Variants in ACIN1 observed in about 807,000 individuals in gnomAD.
The protein encoded by ACIN1 is apoptotic chromatin condensation inducer in the nucleus.
Under a neutral mutation model 146.6 loss-of-function variants are expected in ACIN1, and 16 were observed. That is an observed-to-expected ratio of 0.11 (90% CI 0.07 to 0.17). The LOEUF is 0.17. Ranked by LOEUF, ACIN1 falls within the 10% of genes least tolerant of loss-of-function variation. The probability of loss-of-function intolerance (pLI) is 1.00; values close to 1 mark genes in which losing one functional copy is unlikely to be tolerated. For synonymous variants in ACIN1, 569 were observed against 582.7 expected, an observed-to-expected ratio of 0.98 and a Z score of 0.34; for missense variants, 1,357 against 1,609.3, an observed-to-expected ratio of 0.84 and a Z score of 2.68.
intron 10 of ACIN1, 41 bp from the exon 11 acceptor site, chr14:23,064,529 G>T (rs369978198): frequency 1.2e-6 from 2 of 1,608,644 alleles, no homozygotes; most frequent in Non-Finnish European, 1.7e-6. Flanking sequence ...ATGGTCTCAG[G>T]ACCTCTGCTA....
At chr14:23,087,983 G>A (rs902604821) in intron 4 of ACIN1, among the ~76,000 whole-genome samples, 3 of 152,100 alleles carry the variant, frequency 2.0e-5, no homozygotes, top group African/African-American at 7.2e-5. Context: ...TCTAATCACT[G>A]TAGTCCTCAG....
rs2047180696 is a variant in ACIN1, at chr14:23,058,997, A to C, written c.*151T>G. The C allele has an allele frequency of 4.3e-6, 3 of 703,088 alleles. No individual in the cohort carries two copies. The highest frequency in any genetic ancestry group is 3.7e-5 in the South Asian group (2 of 54,298). 43.6% of individuals were successfully genotyped at this position (703,088 alleles called of 1,614,324 possible). A position where few individuals can be genotyped will look rare whatever the true frequency, so the allele number is the denominator to read the frequency against. On this transcript the variant is annotated 3_prime_UTR_variant, in exon 19 of 19. Transcript: ENST00000605057. ...TTAAGGGGGTGTGTTTGGGGGGAAA[A>C]GGATGGCCACTTTTCCATTTGGTAT...
intron 4 of ACIN1, among the ~76,000 whole-genome samples, chr14:23,088,896 A>G (rs567981342): frequency 6.6e-6 from 1 of 152,312 alleles, no homozygotes; most frequent in African/African-American, 2.4e-5. Flanking sequence ...GAATACTCAA[A>G]AAGTTTTGGG....
chr14:23,071,786 G>A (rs2047663680), intron 8 of ACIN1, among the ~76,000 whole-genome samples: 1 of 152,178 alleles, frequency 6.6e-6, no homozygotes, highest in South Asian at 2.1e-4. Context: ...TTCCCAGGGG[G>A]CAGGGGAGGG....
chr14:23,085,455 A>G (rs1238948692), intron 4 of ACIN1, among the ~76,000 whole-genome samples: 1 of 152,214 alleles, frequency 6.6e-6, no homozygotes, highest in Non-Finnish European at 1.5e-5. Flanking sequence ...TATGCTATTT[A>G]TTGAATTATA....
chr14:23,067,496 AGG>A lies in ACIN1; in HGVS notation c.2266-1490_2266-1489del. 1 of 255,932 alleles carries A rather than the reference AGG, an allele frequency of 3.9e-6. No individual in the cohort carries two copies. The highest frequency in any genetic ancestry group is 4.9e-6 in the Non-Finnish European group (1 of 206,128). 15.9% of individuals were successfully genotyped at this position (255,932 alleles called of 1,614,324 possible). On this transcript the variant is annotated intron_variant, in intron 9 of 18. Transcript: ENST00000605057. This position sits in a 1 kb window ranked among gnomAD's most constrained non-coding sequence, Gnocchi z 4.6. ...ACTGCCAGAGTCCTCCCAGGGGCGC[AGG>A]GGGGGCGGGAGGGAAACGTGTGGGG...
chr14:23,072,721 C>T (rs998144848), intron 8 of ACIN1, among the ~76,000 whole-genome samples: 3 of 152,164 alleles, frequency 2.0e-5, no homozygotes, highest in Admixed American at 2.0e-4. Context: ...ATTTTCTCCC[C>T]GCTGCTTAAA....
chr14:23,067,858 G>A lies in ACIN1; in HGVS notation c.2265+1618C>T, dbSNP rs2047508367. On this transcript the variant is annotated intron_variant, in intron 9 of 18. Transcript: ENST00000605057. The surrounding 1 kb of genome is among the most constrained non-coding windows in gnomAD (Gnocchi z 4.6). ...GTGGGATCATGGAGCCTCTGATGAAGGTAGCCTGGGGGTAGGTGAATACCC... is the reference window on the plus strand; with the variant it reads ...GTGGGATCATGGAGCCTCTGATGAAAGTAGCCTGGGGGTAGGTGAATACCC... The A allele has an allele frequency of 1.0e-6, 1 of 985,728 alleles. No individual in the cohort carries two copies. 61.1% of individuals were successfully genotyped at this position (985,728 alleles called of 1,614,324 possible).
rs938325437 is a variant in ACIN1, at chr14:23,090,014, C to G, written c.404G>C (p.Arg135Thr). 7 of 1,613,232 alleles carry G rather than the reference C, an allele frequency of 4.3e-6. No individual in the cohort carries two copies. The highest frequency in any genetic ancestry group is 5.1e-6 in the Non-Finnish European group (6 of 1,179,678). Residue 135 changes from arginine (R) to threonine (T), a missense_variant, in exon 4 of 19, where the codon AGA (arginine) becomes ACA (threonine). Transcript: ENST00000605057. ...ATGTCTGCTGAGCTCCAGCTCTGGT[C>G]TCTCCAGGCTGCTCTGAAAGTCAGG... is the stretch of plus-strand genomic sequence containing the variant. ...LPPDFQSSLE[R>T]PELELSRHSP...
Position 23,061,468 on chromosome 14 carries a change from CGCACTGCCCGTTCCT to C in ACIN1, c.3239_3253del (p.Gln1080_Val1084del). 6.2e-7 allele frequency: 1 copy of C among 1,613,042 alleles called. No homozygotes were observed. The highest frequency in any genetic ancestry group is 2.2e-5 in the East Asian group (1 of 44,824). Reference sequence around the variant, plus strand: ...CCGTTCCCGTTCTGCCCACTGTTCCCGCACTGCCCGTTCCTGCTCCCGCTGCTCTGCCCGGGGGTG... The same window carrying C: ...CCGTTCCCGTTCTGCCCACTGTTCCCGCTCCCGCTGCTCTGCCCGGGGGTG... On this transcript the variant is annotated inframe_deletion, in exon 17 of 19. Coordinates refer to ENST00000605057, the MANE Select transcript of ACIN1 (RefSeq NM_001386863.1).
At chr14:23,094,568 C>T (rs1199579230) in intron 1 of ACIN1, 1 of 983,290 alleles carries the variant, frequency 1.0e-6, no homozygotes, top group Non-Finnish European at 1.2e-6. Context: ...ACCCCATCCA[C>T]CCCTTCGCGC....
Position 23,068,972 on chromosome 14 carries a change from G to T in ACIN1, c.2265+504C>A. The stretch of plus-strand genomic sequence containing the variant: ...ACAGGTAACTGAGAATGGGCCTTCC[G>T]GATCACAAGTGCTGGCTTCTAAGTA... On this transcript the variant is annotated intron_variant, in intron 9 of 18. Transcript: ENST00000605057. The surrounding 1 kb of genome is among the most constrained non-coding windows in gnomAD (Gnocchi z 4.3). 1.0e-6 allele frequency: 1 copy of T among 985,626 alleles called. No individual in the cohort carries two copies. The highest frequency in any genetic ancestry group is 1.2e-6 in the Non-Finnish European group (1 of 830,152). 61.1% of individuals were successfully genotyped at this position (985,626 alleles called of 1,614,324 possible).
At chr14:23,089,836 T>C in intron 4 of ACIN1, 146 bp downstream of exon 4, 1 of 1,174,738 alleles carries the variant, frequency 8.5e-7, no homozygotes, top group South Asian at 2.1e-5. Context: ...GGGTATACTT[T>C]CCATGAGAAA....
chr14:23,095,511 T>C (rs1374609154), upstream of ACIN1: 2 of 586,768 alleles, frequency 3.4e-6, no homozygotes, highest in African/African-American at 1.9e-5. Context: ...GTGCGTGGGC[T>C]GCCGGGCTGG....
chr14:23,085,119 GA>G (rs1490291517), intron 4 of ACIN1, among the ~76,000 whole-genome samples: 8 of 151,812 alleles, frequency 5.3e-5, no homozygotes, highest in African/African-American at 1.7e-4. Context: ...CGAGGTGGGC[GA>G]TCACGAGGTC....
upstream of ACIN1, chr14:23,095,596 G>C: frequency 2.7e-6 from 1 of 371,676 alleles, no homozygotes. Context: ...CAATCTTCGG[G>C]TGCCCTTCGA....
rs762153417 is a variant in ACIN1, at chr14:23,079,767, G to T, written c.1568C>A (p.Ser523Tyr). ...AGAACTGGAGGAGGAAGATGAGGAG[G>T]ACCGGCTAGAGGATGAATCAGCTGA... ...KQSADSSSSR[S>Y]SSSSSSSSRS... The change falls in exon 6 of 19, where the codon TCC (serine) becomes TAC (tyrosine). Residue 523 changes from serine (S) to tyrosine (Y), a missense_variant. Ser to Tyr is a moderately radical substitution (Grantham distance 144). Transcript: ENST00000605057. 8 of 1,614,038 alleles carry T rather than the reference G, an allele frequency of 5.0e-6. No individual in the cohort carries two copies. In the Admixed American group the frequency reaches 6.7e-5, roughly 13 times the overall value.
chr14:23,079,185 C>A, intron 6 of ACIN1, 147 bp from the exon 7 acceptor site: 1 of 869,118 alleles, frequency 1.2e-6, no homozygotes, highest in South Asian at 1.8e-5. Context: ...TGTGTTTATT[C>A]CCATTTAGTG....
chr14:23,079,995 T>C lies in ACIN1; in HGVS notation c.1340A>G (p.Gln447Arg). Reference protein sequence around the residue: ...VPEESVLPLVQKSTLADYSAQ... With the variant: ...VPEESVLPLVRKSTLADYSAQ... Reference sequence around the variant, plus strand: ...TGAGTAGTCAGCCAGTGTGCTTTTCTGAACCAGAGGCAGGACACTCTCCTC... The same window carrying C: ...TGAGTAGTCAGCCAGTGTGCTTTTCCGAACCAGAGGCAGGACACTCTCCTC... Residue 447 changes from glutamine (Q) to arginine (R), a missense_variant, in exon 6 of 19, where the codon CAG (glutamine) becomes CGG (arginine). By Grantham distance (43) the Gln-to-Arg change is conservative. This residue lies in a region of ACIN1 where 771 missense variants were observed against 746.6 expected (regional missense o/e 1.03). Coordinates refer to ENST00000605057, the MANE Select transcript of ACIN1 (RefSeq NM_001386863.1). The C allele has an allele frequency of 1.2e-6, 2 of 1,614,178 alleles. No individual in the cohort carries two copies. The highest frequency in any genetic ancestry group is 1.7e-6 in the Non-Finnish European group (2 of 1,180,042).
Sources: gnomAD v4.1 joint callset for allele counts (sites outside exome capture counted in the v4.1 genomes callset) on GRCh38, gnomAD v4.1.1 for gene constraint, gnomAD v4.1.1 regional missense constraint, Gnocchi (gnomAD v3.1) non-coding constraint, MANE v1.5 for transcripts, NCBI Gene and HGNC (gene_info 2026-07-23, HGNC 2026-07-21) for gene names.